Variants in CSMD2 observed in about 807,000 individuals in gnomAD.
CSMD2 encodes the protein CUB and sushi domain-containing protein 2.
CSMD2 carries 130 observed loss-of-function variants against 398.5 expected under a neutral mutation model. The observed-to-expected ratio is 0.33, with a 90% CI of 0.28 to 0.38. The LOEUF is 0.38. Among genes scored for constraint, CSMD2 ranks in the 10% least tolerant of loss-of-function variants. CSMD2 has a pLI of 1.00. For missense variants in CSMD2, 3,829 were observed against 4,764.9 expected (o/e 0.80, Z 5.78); for synonymous variants, 1,828 against 1,908.5 (o/e 0.96, Z 1.10).
chr1:33,879,152 A>T (rs146356104), intron 5 of CSMD2, among the ~76,000 whole-genome samples: 1 of 152,254 alleles, frequency 6.6e-6, no homozygotes, highest in African/African-American at 2.4e-5. Flanking sequence ...TTCAGGGTCA[A>T]CCTGCCCTGT....
At chr1:34,079,297 G>A (rs905396017) in intron 2 of CSMD2, among the ~76,000 whole-genome samples, 1 of 152,122 alleles carries the variant, frequency 6.6e-6, no homozygotes, top group Non-Finnish European at 1.5e-5. Context: ...GGGGTATCCC[G>A]ATTGGAAAGG....
chr1:33,965,850 C>A (rs1304327008), intron 3 of CSMD2, among the ~76,000 whole-genome samples: 2 of 152,152 alleles, frequency 1.3e-5, no homozygotes, highest in African/African-American at 4.8e-5. Context: ...TGCGGATAGC[C>A]ACATTAGAAG....
At chr1:33,651,351 C>A (rs531836350) in intron 28 of CSMD2, among the ~76,000 whole-genome samples, 32 of 152,336 alleles carry the variant, frequency 2.1e-4, no homozygotes, top group African/African-American at 7.0e-4. Context: ...CAGAACAGAG[C>A]TCTTCTGGGG....
Position 33,989,033 on chromosome 1 carries a change from T to C in CSMD2, c.517+43561A>G, listed in dbSNP as rs1461031024. 4.7e-3 allele frequency among the ~76,000 whole-genome samples: 184 copies of C among 39,102 alleles called. 3 individuals carry two copies. Among genetic ancestry groups the C allele is most frequent in the South Asian group, 0.02 (28 of 1,386 alleles). 25.7% of individuals were successfully genotyped at this position (39,102 alleles called of 152,430 possible). A position where few individuals can be genotyped will look rare whatever the true frequency, so the allele number is the denominator to read the frequency against. ...CTCTCCATATATATATATATATATA[T>C]ATATATATATATATATATATATATA... On this transcript the variant is annotated intron_variant, in intron 3 of 70. Coordinates refer to ENST00000373381, the MANE Select transcript of CSMD2 (RefSeq NM_001281956.2).
At chr1:33,820,667 A>T (rs1658034961) in intron 7 of CSMD2, 111 bp from the exon 8 acceptor site, 1 of 727,456 alleles carries the variant, frequency 1.4e-6, no homozygotes, top group Non-Finnish European at 2.3e-6. Flanking sequence ...AGGCAGAGAC[A>T]GAATGAGGCC....
At chr1:33,685,221 A>G (rs569984125) in intron 25 of CSMD2, among the ~76,000 whole-genome samples, 1 of 152,342 alleles carries the variant, frequency 6.6e-6, no homozygotes, top group East Asian at 1.9e-4. Flanking sequence ...ATGGCAGACC[A>G]AGAAGGAAGG....
chr1:33,897,214 T>C (rs1235213919), intron 5 of CSMD2, among the ~76,000 whole-genome samples: 2 of 152,168 alleles, frequency 1.3e-5, no homozygotes, highest in African/African-American at 4.8e-5. Flanking sequence ...ATTCAGATCC[T>C]GCTGGAGCCA....
intron 2 of CSMD2, among the ~76,000 whole-genome samples, chr1:34,067,478 G>T (rs1360850688): frequency 5.3e-5 from 8 of 152,118 alleles, no homozygotes; most frequent in Non-Finnish European, 1.2e-4. Flanking sequence ...TTGTACATAA[G>T]AAACCAATAT....
intron 1 of CSMD2, among the ~76,000 whole-genome samples, chr1:34,123,733 C>T (rs1662454346): frequency 6.6e-6 from 1 of 152,012 alleles, no homozygotes. Flanking sequence ...GAAAAAAAAC[C>T]CACACTTTTG....
Position 33,633,377 on chromosome 1 carries a change from G to GC in CSMD2, c.5200+44dup. The stretch of plus-strand genomic sequence containing the variant: ...CCTCCTTCCTTTAGCCGGACGTGAT[G>GC]CCCCCGGCCCACAACCATCCCCACA... On this transcript the variant is annotated intron_variant, in intron 32 of 70. Coordinates refer to ENST00000373381, the MANE Select transcript of CSMD2 (RefSeq NM_001281956.2). This position sits in a 1 kb window ranked among gnomAD's most constrained non-coding sequence, Gnocchi z 5.0. 1 of 1,408,024 alleles carries GC rather than the reference G, an allele frequency of 7.1e-7. No homozygotes were observed. Among genetic ancestry groups the GC allele is most frequent in the East Asian group, 2.5e-5 (1 of 40,272 alleles). The allele number at this position is 1,408,024 out of a possible 1,614,324, so 87.2% of individuals were successfully genotyped here.
chr1:33,615,133 C>T (rs1641301628), intron 39 of CSMD2, among the ~76,000 whole-genome samples: 1 of 152,170 alleles, frequency 6.6e-6, no homozygotes, highest in Non-Finnish European at 1.5e-5. Flanking sequence ...AGGGGAGGCT[C>T]ACCACGAGCC....
In CSMD2 at chr1:33,917,972, G is replaced by A. The variant is rs565177916; in HGVS notation, c.920+122C>T. ...ATGAGATGAAAGGACTCTAACAGTA[G>A]GTATAAGGAAGTGGCTAAGAGGCCT... is the stretch of plus-strand genomic sequence containing the variant. On this transcript the variant is annotated intron_variant, in intron 5 of 70. Coordinates refer to ENST00000373381, the MANE Select transcript of CSMD2 (RefSeq NM_001281956.2). 56 of 725,536 alleles carry A rather than the reference G, an allele frequency of 7.7e-5. 1 individual carries two copies. In the Admixed American group the frequency reaches 1.3e-3, roughly 17 times the overall value. The allele number at this position is 725,536 out of a possible 1,614,324, so 44.9% of individuals were successfully genotyped here.
rs1188264895 is a variant in CSMD2, at chr1:33,536,433, C to T, written c.9879+589G>A. ...AGAGACGGGGTTTCACCATATTAGC[C>T]AGGATGGCCTCGATCTCCTGACCTC... On this transcript the variant is annotated intron_variant, in intron 62 of 70. Transcript: ENST00000373381. Among the ~76,000 whole-genome samples the T allele has an allele frequency of 2.0e-5, 3 of 152,204 alleles. No individual in the cohort carries two copies. In the South Asian group the frequency reaches 6.2e-4, roughly 32 times the overall value.
In CSMD2 at chr1:33,586,557, G is replaced by A; in HGVS notation, c.6998C>T (p.Thr2333Ile). 1.9e-6 allele frequency: 3 copies of A among 1,613,870 alleles called. No individual in the cohort carries two copies. The highest frequency in any genetic ancestry group is 2.5e-6 in the Non-Finnish European group (3 of 1,179,820). Residue 2333 changes from threonine to isoleucine, a missense_variant, in exon 46 of 71, where the codon ACC (threonine) becomes ATC (isoleucine). Transcript: ENST00000373381. ...GFTLVGNEIL[T>I]CKLGTYLQFE... is the part of the protein sequence containing the mutation. ...CTGCAGGTAGGTTCCAAGTTTGCAG[G>A]TCAGAATTTCATTCCCCACTAAGGT... is the stretch of plus-strand genomic sequence containing the variant.
chr1:33,970,300 G>T (rs1363555633), intron 3 of CSMD2, among the ~76,000 whole-genome samples: 1 of 152,078 alleles, frequency 6.6e-6, no homozygotes, highest in Non-Finnish European at 1.5e-5. Context: ...GCAATAGCAG[G>T]CCCCATGTGG....
intron 5 of CSMD2, among the ~76,000 whole-genome samples, chr1:33,895,540 G>T (rs1414813759): frequency 6.6e-6 from 1 of 152,184 alleles, no homozygotes; most frequent in Admixed American, 6.5e-5. Context: ...TAAGACAAAA[G>T]GTTAGCAGCA....
intron 2 of CSMD2, among the ~76,000 whole-genome samples, chr1:34,073,201 C>G (rs529147908): frequency 1.2e-4 from 18 of 152,366 alleles, no homozygotes; most frequent in African/African-American, 3.4e-4. Flanking sequence ...CTCCTACCAA[C>G]AGGTTTGCCT....
At chr1:33,569,350 G>C (rs747860316) in intron 52 of CSMD2, 24 bp downstream of exon 52, 1 of 1,603,756 alleles carries the variant, frequency 6.2e-7, no homozygotes, top group Admixed American at 1.7e-5. Context: ...AACTGGGCAG[G>C]ATAGGCCTGC....
rs748281749 is a variant in CSMD2 at position 33,658,124 on chromosome 1, C to T, written c.4269G>A (p.Thr1423=). The T allele has an allele frequency of 1.7e-5, 28 of 1,613,666 alleles. No homozygotes were observed. Among genetic ancestry groups the T allele is most frequent in the South Asian group, 3.3e-5 (3 of 91,034 alleles). ...GCGGGATCCCAGGGTCATTGCAGGA[C>T]GTTGCTGTGGACACTGGGGCAAGGA... ...FAIQFSVSTA[T]SCNDPGIPQN... is the part of the protein sequence containing the mutation. Residue 1423 remains threonine (T), a synonymous_variant, in exon 27 of 71, where the codon ACG becomes ACA. Coordinates refer to ENST00000373381, the MANE Select transcript of CSMD2 (RefSeq NM_001281956.2).
Sources: gnomAD v4.1 joint callset for allele counts (sites outside exome capture counted in the v4.1 genomes callset) on GRCh38, gnomAD v4.1.1 for gene constraint, Gnocchi (gnomAD v3.1) non-coding constraint, MANE v1.5 for transcripts, NCBI Gene and HGNC (gene_info 2026-07-23, HGNC 2026-07-21) for gene names.